STAMBP: variants seen among roughly 807,000 people sequenced by gnomAD.
STAMBP encodes the protein STAM binding protein.
In STAMBP, 31 loss-of-function variants were observed where a neutral mutation model predicts 50.7. The ratio of observed to expected loss-of-function variants is 0.61; its 90% CI spans 0.46 to 0.83. STAMBP has a LOEUF of 0.83. STAMBP is among the 40% of genes least tolerant of loss of function. The pLI, the probability that STAMBP is intolerant of heterozygous loss-of-function variation, is 0.00. For missense variants in STAMBP, 472 were observed against 518.9 expected (o/e 0.91, Z 0.88); for synonymous variants, 211 against 192.4 (o/e 1.10, Z -0.80).
chr2:73,832,192 C>T (rs925520917), intron 2 of STAMBP, among the ~76,000 whole-genome samples: 6 of 150,746 alleles, frequency 4.0e-5, no homozygotes, highest in African/African-American at 1.2e-4. Context: ...CAGTGGCTCT[C>T]GCCTGTAATC....
chr2:73,848,867 T>G (rs1423585116), intron 5 of STAMBP, among the ~76,000 whole-genome samples: 1 of 152,166 alleles, frequency 6.6e-6, no homozygotes, highest in Non-Finnish European at 1.5e-5. Context: ...AACTTGTGTC[T>G]TTTTCCCCCC....
In STAMBP at chr2:73,865,887, T is replaced by C. The variant is rs1222572999; in HGVS notation, c.*3628T>C. The C allele has an allele frequency of 6.6e-6, 1 of 152,256 alleles. No homozygotes were observed. Among genetic ancestry groups the C allele is most frequent in the Non-Finnish European group, 1.5e-5 (1 of 68,066 alleles). 9.4% of individuals were successfully genotyped at this position (152,256 alleles called of 1,614,324 possible). Reference sequence around the variant, plus strand: ...GCTTTGACTCCAAAGCTATCTGGTCTACCTTGATGTTCTGAGCAGGAAAAC... The same window carrying C: ...GCTTTGACTCCAAAGCTATCTGGTCCACCTTGATGTTCTGAGCAGGAAAAC... On this transcript the variant is annotated 3_prime_UTR_variant, in exon 10 of 10. Coordinates refer to ENST00000394070, the MANE Select transcript of STAMBP (RefSeq NM_213622.4).
chr2:73,853,708 C>T (rs1351215390), intron 7 of STAMBP, among the ~76,000 whole-genome samples: 4 of 152,196 alleles, frequency 2.6e-5, no homozygotes, highest in South Asian at 2.1e-4. Context: ...GGCAACAGAG[C>T]GAGACTTGGT....
intron 2 of STAMBP, among the ~76,000 whole-genome samples, chr2:73,835,949 G>A (rs2104285339): frequency 1.3e-5 from 2 of 152,102 alleles, no homozygotes; most frequent in Admixed American, 1.3e-4. Flanking sequence ...CATACAGATG[G>A]TTCTGAAGTC....
At chr2:73,867,806 A>T (rs201122138), downstream of STAMBP, among the ~76,000 whole-genome samples, 6 of 152,138 alleles carry the variant, frequency 3.9e-5, no homozygotes, top group Non-Finnish European at 8.8e-5. Flanking sequence ...TATACTAGGA[A>T]ACCAGGGGGA....
chr2:73,858,225 T>C (rs1278117174), intron 7 of STAMBP, among the ~76,000 whole-genome samples: 4 of 148,582 alleles, frequency 2.7e-5, no homozygotes, highest in Non-Finnish European at 6.0e-5. Context: ...AGGATGGTCT[T>C]GATCTCCTGA....
intron 7 of STAMBP, among the ~76,000 whole-genome samples, chr2:73,858,188 T>C (rs1175546394): frequency 7.9e-6 from 1 of 126,168 alleles, no homozygotes; most frequent in African/African-American, 3.3e-5. Context: ...TTTTTTTTAG[T>C]AGAGACAGGG....
rs202201322 is a variant in STAMBP, at chr2:73,831,039, C to T, written c.183C>T (p.Ile61=). Residue 61 remains isoleucine, a synonymous_variant, in exon 2 of 10, where the codon ATC becomes ATT. Transcript: ENST00000394070. Reference sequence around the variant, plus strand: ...AAGGCAACATTGAACATGCCTTCATCCTCTATAACAAGTATATCACGTAAG... The same window carrying T: ...AAGGCAACATTGAACATGCCTTCATTCTCTATAACAAGTATATCACGTAAG... The part of the protein sequence containing the change: ...SEEGNIEHAF[I]LYNKYITLFI... The T allele has an allele frequency of 9.6e-5, 155 of 1,614,028 alleles. 2 individuals carry two copies. Among genetic ancestry groups the T allele is most frequent in the Admixed American group, 3.3e-4 (20 of 60,014 alleles).
At position 73,850,560 on chromosome 2, in the gene STAMBP, G is replaced by A. The variant is rs1219671563; in HGVS notation, c.1005+47G>A. The A allele has an allele frequency of 1.3e-5, 20 of 1,579,676 alleles. No homozygotes were observed. In the East Asian group the frequency reaches 4.5e-4, roughly 36 times the overall value. On this transcript the variant is annotated intron_variant, in intron 7 of 9. Transcript: ENST00000394070. This position sits in a 1 kb window ranked among gnomAD's most constrained non-coding sequence, Gnocchi z 4.3. ...GAGAGTTAGTCTCTGCCTCTCCCAT[G>A]GTGGTATAAATACATGAGTGTTTCT... is the stretch of plus-strand genomic sequence containing the variant.
intron 8 of STAMBP, 105 bp downstream of exon 8, chr2:73,859,471 A>G (rs1678018609): frequency 8.2e-6 from 7 of 857,056 alleles, no homozygotes; most frequent in Admixed American, 5.6e-5. Context: ...TGTAAAATAC[A>G]TAGATTATAA....
chr2:73,846,860 T>A (rs1478031336), intron 4 of STAMBP, among the ~76,000 whole-genome samples: 1 of 151,966 alleles, frequency 6.6e-6, no homozygotes, highest in African/African-American at 2.4e-5. Context: ...GGTGGGCAGA[T>A]TGTTTGAGCC....
chr2:73,830,315 C>T (rs897429116), intron 1 of STAMBP, among the ~76,000 whole-genome samples: 3 of 152,186 alleles, frequency 2.0e-5, no homozygotes, highest in African/African-American at 7.2e-5. Context: ...CCCTAACTCA[C>T]CTTGTGCTCA....
At chr2:73,859,409 T>C in intron 8 of STAMBP, 43 bp downstream of exon 8, 1 of 1,499,386 alleles carries the variant, frequency 6.7e-7, no homozygotes, top group Non-Finnish European at 9.3e-7. Context: ...AAGGGGGTAG[T>C]AGGGAAGAAA....
intron 1 of STAMBP, among the ~76,000 whole-genome samples, 188 bp downstream of exon 1, chr2:73,829,698 G>A (rs920739881): frequency 6.6e-6 from 1 of 152,304 alleles, no homozygotes; most frequent in East Asian, 1.9e-4. Flanking sequence ...TAGTGAGGGT[G>A]TTTTAGAGGG....
downstream of STAMBP, among the ~76,000 whole-genome samples, chr2:73,867,767 G>A (rs1049551840): frequency 1.9e-4 from 29 of 152,058 alleles, no homozygotes; most frequent in African/African-American, 3.6e-4. Flanking sequence ...ATTAAGCATC[G>A]GACTCAAATT....
rs1675685158 is a variant in STAMBP at position 73,843,425 on chromosome 2, T to TATATATATATATATATATATAC, written c.204-1379_204-1378insTATATATATATACATATATATA. 1.2e-4 allele frequency among the ~76,000 whole-genome samples: 18 copies of TATATATATATATATATATATAC among 146,460 alleles called. No individual in the cohort carries two copies. In the South Asian group the frequency reaches 1.3e-3, roughly 10 times the overall value. On this transcript the variant is annotated intron_variant, in intron 2 of 9. Transcript: ENST00000394070. The stretch of plus-strand genomic sequence containing the variant: ...GTGTATGTATATATATATATGTATA[T>TATATATATATATATATATATAC]ATATATATAAATTAAAAAATATAAA...
Position 73,866,723 on chromosome 2 carries a change from A to T in STAMBP, c.*4464A>T, listed in dbSNP as rs1236242198. ...CCAACAGCGAATTTAATGGGTGGTCAAAAGAAGATGTGCCTGCATAGAAGG... is the reference window on the plus strand; with the variant it reads ...CCAACAGCGAATTTAATGGGTGGTCTAAAGAAGATGTGCCTGCATAGAAGG... On this transcript the variant is annotated 3_prime_UTR_variant, in exon 10 of 10. Coordinates refer to ENST00000394070, the MANE Select transcript of STAMBP (RefSeq NM_213622.4). 1 of 152,304 alleles carries T rather than the reference A, an allele frequency of 6.6e-6. No homozygotes were observed. The highest frequency in any genetic ancestry group is 1.5e-5 in the Non-Finnish European group (1 of 68,132). 9.4% of individuals were successfully genotyped at this position (152,304 alleles called of 1,614,324 possible).
intron 7 of STAMBP, among the ~76,000 whole-genome samples, chr2:73,856,553 G>A (rs1677572442): frequency 6.6e-6 from 1 of 152,196 alleles, no homozygotes; most frequent in Non-Finnish European, 1.5e-5. Flanking sequence ...GGAGATAGAA[G>A]AAATTCCCTA....
chr2:73,839,082 C>T (rs984506492), intron 2 of STAMBP, among the ~76,000 whole-genome samples: 1 of 152,150 alleles, frequency 6.6e-6, no homozygotes, highest in Non-Finnish European at 1.5e-5. Flanking sequence ...CCTCTGCCTC[C>T]CCTACTACTG....
Sources: gnomAD v4.1 joint callset for allele counts (sites outside exome capture counted in the v4.1 genomes callset) on GRCh38, gnomAD v4.1.1 for gene constraint, Gnocchi (gnomAD v3.1) non-coding constraint, MANE v1.5 for transcripts, NCBI Gene and HGNC (gene_info 2026-07-23, HGNC 2026-07-21) for gene names.